Variants in DLGAP2 observed in about 807,000 individuals in gnomAD.
The protein encoded by DLGAP2 is DLG associated protein 2, also known as disks large-associated protein 2.
Under a neutral mutation model 100.3 loss-of-function variants are expected in DLGAP2, and 26 were observed. The ratio of observed to expected loss-of-function variants is 0.26; its 90% CI spans 0.19 to 0.36. The LOEUF is 0.36. DLGAP2 is among the 10% of genes least tolerant of loss of function. The probability of loss-of-function intolerance (pLI) is 1.00; values close to 1 mark genes in which losing one functional copy is unlikely to be tolerated. For missense variants in DLGAP2, 1,858 were observed against 1,453.2 expected (o/e 1.28, Z -4.53); for synonymous variants, 886 against 630.1 (o/e 1.41, Z -6.08).
chr8:1,308,915 A>T (rs1316258862), intron 3 of DLGAP2, among the ~76,000 whole-genome samples: 3 of 152,188 alleles, frequency 2.0e-5, no homozygotes, highest in African/African-American at 7.2e-5. Flanking sequence ...AGAGATCCAA[A>T]TTATTTTTTT....
At chr8:1,311,196 A>AT (rs1800606260) in intron 3 of DLGAP2, among the ~76,000 whole-genome samples, 1 of 152,236 alleles carries the variant, frequency 6.6e-6, no homozygotes, top group South Asian at 2.1e-4. Context: ...GGACAAATTT[A>AT]TATAACAATG....
At chr8:1,130,711 GGGC>G (rs1434770502) in intron 2 of DLGAP2, among the ~76,000 whole-genome samples, 1 of 152,254 alleles carries the variant, frequency 6.6e-6, no homozygotes, top group African/African-American at 2.4e-5. Context: ...CTCCCAGGCA[GGGC>G]GTCCCAAGAC....
chr8:856,077 A>T (rs926102639), intron 1 of DLGAP2, among the ~76,000 whole-genome samples: 2 of 152,090 alleles, frequency 1.3e-5, no homozygotes, highest in African/African-American at 4.8e-5. Flanking sequence ...GAAATAAAAG[A>T]TATGCATATT....
At chr8:1,376,356 G>T (rs1585314270) in intron 3 of DLGAP2, among the ~76,000 whole-genome samples, 2 of 152,256 alleles carry the variant, frequency 1.3e-5, no homozygotes, top group African/African-American at 4.8e-5. Flanking sequence ...TCCCTCTAGA[G>T]AGCATCGGCC....
chr8:985,157 G>T (rs1325160682), intron 2 of DLGAP2, among the ~76,000 whole-genome samples: 2 of 152,190 alleles, frequency 1.3e-5, no homozygotes, highest in African/African-American at 4.8e-5. Flanking sequence ...GGCTGAGCAT[G>T]GTTGTGTGCA....
chr8:907,582 T>C (rs1313176803), intron 1 of DLGAP2, among the ~76,000 whole-genome samples: 6 of 152,196 alleles, frequency 3.9e-5, no homozygotes, highest in Admixed American at 3.9e-4. Flanking sequence ...ATCACAAAAA[T>C]TGGTGGGTCC....
At chr8:1,330,192 G>A (rs1291424475) in intron 3 of DLGAP2, among the ~76,000 whole-genome samples, 1 of 152,202 alleles carries the variant, frequency 6.6e-6, no homozygotes, top group African/African-American at 2.4e-5. Flanking sequence ...GACGCCCAGG[G>A]ACTGAGTTCT....
intron 4 of DLGAP2, among the ~76,000 whole-genome samples, chr8:1,544,907 A>G (rs1251808526): frequency 1.3e-5 from 2 of 151,782 alleles, no homozygotes; most frequent in Non-Finnish European, 2.9e-5. Flanking sequence ...TTATGTTTGT[A>G]TTTTTAGTAG....
At chr8:1,627,398 G>A (rs1041878323) in intron 7 of DLGAP2, among the ~76,000 whole-genome samples, 3 of 152,160 alleles carry the variant, frequency 2.0e-5, no homozygotes, top group African/African-American at 4.8e-5. Context: ...TGGGCACCAC[G>A]GGAGGGGTGG....
At chr8:1,544,735 A>AT (rs35617361) in intron 4 of DLGAP2, among the ~76,000 whole-genome samples, 70,758 of 145,652 alleles carry the variant, frequency 0.49, 17,000 homozygotes, top group East Asian at 0.59. Context: ...ATTTTTGAGG[A>AT]TTTTTTTTTT....
At chr8:1,323,940 A>G (rs1800964593) in intron 3 of DLGAP2, among the ~76,000 whole-genome samples, 1 of 152,196 alleles carries the variant, frequency 6.6e-6, no homozygotes, top group Non-Finnish European at 1.5e-5. Context: ...CGGAAAGCCC[A>G]GCTGTTATTT....
rs78689865 is a variant in DLGAP2, at chr8:1,130,650, G to A, written c.74-128201G>A. Among the ~76,000 whole-genome samples, 1,076 of 152,364 alleles carry A rather than the reference G, an allele frequency of 7.1e-3. 11 individuals carry two copies. The highest frequency in any genetic ancestry group is 0.025 in the African/African-American group (1,032 of 41,578). ...GCTGTAAAGCGTGGCACGGACCAGA[G>A]GCTGCACAGCAGCATCTTCGTAACC... is the stretch of plus-strand genomic sequence containing the variant. On this transcript the variant is annotated intron_variant, in intron 2 of 14. Transcript: ENST00000637795.
chr8:1,567,927 A>G (rs1802467360), intron 6 of DLGAP2, among the ~76,000 whole-genome samples: 1 of 152,194 alleles, frequency 6.6e-6, no homozygotes, highest in Non-Finnish European at 1.5e-5. Context: ...CTCAAATCTG[A>G]TCAGATGTGA....
At chr8:1,005,405 G>GTTTTTT (rs34780471) in intron 2 of DLGAP2, among the ~76,000 whole-genome samples, 3 of 99,208 alleles carry the variant, frequency 3.0e-5, no homozygotes, top group Non-Finnish European at 6.2e-5. Context: ...AACTCCACTT[G>GTTTTTT]TTTTTTTTTT....
intron 2 of DLGAP2, among the ~76,000 whole-genome samples, chr8:1,156,629 C>G (rs58570843): frequency 4.6e-5 from 1 of 21,702 alleles, no homozygotes; most frequent in South Asian, 1.6e-3. Context: ...GCGCCCCAGC[C>G]CAGCGCCCCG....
At chr8:1,128,055 G>A (rs1252438952) in intron 2 of DLGAP2, among the ~76,000 whole-genome samples, 2 of 152,200 alleles carry the variant, frequency 1.3e-5, no homozygotes, top group African/African-American at 4.8e-5. Flanking sequence ...ATTTCAATAC[G>A]GTTGTGCACC....
In DLGAP2 at chr8:1,281,990, C is replaced by T. The variant is rs567930675; in HGVS notation, c.106+23107C>T. ...GACATGGTGTAACCTGAACCCAGCGCGCCCTGAACCATCCAGACATGGTGT... is the reference window on the plus strand; with the variant it reads ...GACATGGTGTAACCTGAACCCAGCGTGCCCTGAACCATCCAGACATGGTGT... On this transcript the variant is annotated intron_variant, in intron 3 of 14. Coordinates refer to ENST00000637795, the MANE Select transcript of DLGAP2 (RefSeq NM_001346810.2). Among the ~76,000 whole-genome samples, 16 of 151,370 alleles carry T rather than the reference C, an allele frequency of 1.1e-4. No homozygotes were observed. The East Asian group carries it at 1.6e-3, about 15-fold the overall frequency.
intron 3 of DLGAP2, among the ~76,000 whole-genome samples, chr8:1,358,830 G>T (rs1287126933): frequency 6.6e-6 from 1 of 152,144 alleles, no homozygotes; most frequent in African/African-American, 2.4e-5. Context: ...TGTCATCAGA[G>T]GCAGAAATCA....
intron 7 of DLGAP2, among the ~76,000 whole-genome samples, chr8:1,630,744 T>G (rs1468240724): frequency 6.6e-6 from 1 of 152,178 alleles, no homozygotes; most frequent in Non-Finnish European, 1.5e-5. Flanking sequence ...AACATTCAAT[T>G]TTTTCTCAAG....
Sources: allele counts gnomAD v4.1 joint callset (sites outside exome capture counted in the v4.1 genomes callset), GRCh38; gene constraint gnomAD v4.1.1; transcripts MANE v1.5; gene names NCBI Gene and HGNC (gene_info 2026-07-23, HGNC 2026-07-21).